MYLK: variants seen among roughly 807,000 people sequenced by gnomAD.
MYLK encodes the protein myosin light chain kinase.
A neutral mutation model predicts 203.4 loss-of-function variants in MYLK; 106 were observed. The observed-to-expected ratio is 0.52, with a 90% CI of 0.45 to 0.61. The LOEUF (loss-of-function observed/expected upper bound fraction) is 0.61. Among genes scored for constraint, MYLK ranks in the 20% least tolerant of loss-of-function variants. The pLI, the probability that MYLK is intolerant of heterozygous loss-of-function variation, is 0.00. For missense variants in MYLK, 2,072 were observed against 2,442.3 expected (o/e 0.85, Z 3.20); for synonymous variants, 867 against 959.5 (o/e 0.90, Z 1.78).
intron 3 of MYLK, among the ~76,000 whole-genome samples, chr3:123,819,905 C>T (rs1488479565): frequency 6.6e-6 from 1 of 151,606 alleles, no homozygotes; most frequent in Non-Finnish European, 1.5e-5. Context: ...ATTCCTCCCA[C>T]CAAAACAGGT....
At chr3:123,661,765 G>A (rs1443253509) in intron 23 of MYLK, among the ~76,000 whole-genome samples, 1 of 152,170 alleles carries the variant, frequency 6.6e-6, no homozygotes, top group Admixed American at 6.5e-5. Flanking sequence ...ATGGACAACT[G>A]GGGGTGGGGA....
intron 2 of MYLK, among the ~76,000 whole-genome samples, chr3:123,832,327 G>A (rs1256192692): frequency 6.6e-6 from 1 of 152,158 alleles, no homozygotes; most frequent in Non-Finnish European, 1.5e-5. Context: ...TTTCCTCTGA[G>A]GGAAAATCTC....
chr3:123,751,491 A>G (rs921944708), intron 5 of MYLK, among the ~76,000 whole-genome samples: 3 of 152,210 alleles, frequency 2.0e-5, no homozygotes, highest in Non-Finnish European at 4.4e-5. Flanking sequence ...TTTACTTCCT[A>G]CATATTTTTC....
chr3:123,739,535 G>A (rs574075506), intron 6 of MYLK, among the ~76,000 whole-genome samples: 21 of 152,236 alleles, frequency 1.4e-4, no homozygotes, highest in Non-Finnish European at 2.8e-4. Context: ...TAATGTGGAA[G>A]GCTCTCCCCA....
chr3:123,849,366 G>A (rs1394727563), intron 2 of MYLK, among the ~76,000 whole-genome samples: 2 of 152,160 alleles, frequency 1.3e-5, no homozygotes, highest in African/African-American at 2.4e-5. Flanking sequence ...GTAGTTAAGA[G>A]ATCAGTTGTG....
chr3:123,862,011 C>A (rs1248446741), intron 2 of MYLK, among the ~76,000 whole-genome samples: 1 of 152,204 alleles, frequency 6.6e-6, no homozygotes, highest in African/African-American at 2.4e-5. Flanking sequence ...ACCTTCCCTG[C>A]CCACTCCAGA....
At chr3:123,824,317 T>C (rs951368849) in intron 3 of MYLK, among the ~76,000 whole-genome samples, 1 of 152,208 alleles carries the variant, frequency 6.6e-6, no homozygotes, top group Non-Finnish European at 1.5e-5. Flanking sequence ...CTCGAACTCC[T>C]GACCTCAGGT....
chr3:123,798,352 T>C (rs923615452), intron 3 of MYLK, among the ~76,000 whole-genome samples: 5 of 152,136 alleles, frequency 3.3e-5, no homozygotes, highest in Non-Finnish European at 7.4e-5. Flanking sequence ...GGCAGAGGGT[T>C]GGGAGTTGTA....
At chr3:123,654,550 T>C (rs1199328302) in intron 24 of MYLK, among the ~76,000 whole-genome samples, 2 of 152,096 alleles carry the variant, frequency 1.3e-5, no homozygotes, top group Non-Finnish European at 1.5e-5. Context: ...GTTTTGGTTT[T>C]CAAGTGACAT....
intron 5 of MYLK, among the ~76,000 whole-genome samples, chr3:123,751,955 T>TGTGAACACGGTGGGC (rs1469240312): frequency 1.3e-5 from 2 of 151,982 alleles, no homozygotes; most frequent in African/African-American, 4.8e-5. Context: ...CAGAGGTGGG[T>TGTGAACACGGTGGGC]GTGACCACGG....
intron 33 of MYLK, chr3:123,616,684 G>A (rs2057515003): frequency 6.6e-6 from 1 of 152,124 alleles, no homozygotes; most frequent in African/African-American, 2.4e-5. Context: ...GAATGTCTTG[G>A]TGCCCTTCCC....
chr3:123,854,472 A>AATAAAT (rs1196614573), intron 2 of MYLK, among the ~76,000 whole-genome samples: 2 of 152,136 alleles, frequency 1.3e-5, no homozygotes, highest in Admixed American at 6.6e-5. Flanking sequence ...ATAGCTAACA[A>AATAAAT]ATAAATATAA....
chr3:123,778,967 A>T (rs1445819860), intron 4 of MYLK, among the ~76,000 whole-genome samples: 1 of 152,158 alleles, frequency 6.6e-6, no homozygotes, highest in Non-Finnish European at 1.5e-5. Flanking sequence ...AACCCCAAAT[A>T]GCTATGTCCT....
intron 5 of MYLK, among the ~76,000 whole-genome samples, chr3:123,747,257 A>G (rs1194317270): frequency 6.6e-6 from 1 of 152,106 alleles, no homozygotes; most frequent in Non-Finnish European, 1.5e-5. Flanking sequence ...ATCTTGTGAC[A>G]GGGGGTCATT....
intron 27 of MYLK, among the ~76,000 whole-genome samples, chr3:123,645,710 T>C (rs1343508744): frequency 2.0e-5 from 3 of 152,200 alleles, no homozygotes; most frequent in Non-Finnish European, 4.4e-5. Flanking sequence ...AGCAAAAGGC[T>C]GGAAACCACT....
intron 20 of MYLK, chr3:123,681,156 C>CAA (rs2108447896): frequency 6.6e-6 from 1 of 151,994 alleles, no homozygotes; most frequent in Admixed American, 6.5e-5. Flanking sequence ...TCCCTTTTTT[C>CAA]TTCTAATTTT....
rs562693227 is a variant in MYLK, at chr3:123,804,560, C to T, written c.-3-10716G>A. On this transcript the variant is annotated intron_variant, in intron 3 of 33. Coordinates refer to ENST00000360304, the MANE Select transcript of MYLK (RefSeq NM_053025.4). The stretch of plus-strand genomic sequence containing the variant: ...GGTTCTCTACCTGCAGACTGTAGAT[C>T]CCATGCCTTCTGTCTAAAATGGCCT... Among the ~76,000 whole-genome samples the T allele has an allele frequency of 7.2e-5, 11 of 152,296 alleles. No homozygotes were observed. In the South Asian group the frequency reaches 2.1e-3, roughly 29 times the overall value.
At chr3:123,647,497 A>G in intron 26 of MYLK, 70 bp from the exon 27 acceptor site, 9 of 1,354,564 alleles carry the variant, frequency 6.6e-6, no homozygotes, top group Non-Finnish European at 9.5e-6. Context: ...GGGTTGGCAA[A>G]TTATGGCCCA....
Position 123,800,575 on chromosome 3 carries a change from G to A in MYLK, c.-3-6731C>T, listed in dbSNP as rs558512195. On this transcript the variant is annotated intron_variant, in intron 3 of 33. Transcript: ENST00000360304. ...TGCCTCGTTGGTCCAGAGCCCTGGA[G>A]AGCTTCAGGAATGATCCTTGGAGCA... is the stretch of plus-strand genomic sequence containing the variant. Among the ~76,000 whole-genome samples the A allele has an allele frequency of 6.6e-5, 10 of 152,248 alleles. No homozygotes were observed. The South Asian group carries it at 2.1e-3, about 32-fold the overall frequency.
Sources: allele counts gnomAD v4.1 joint callset (sites outside exome capture counted in the v4.1 genomes callset), GRCh38; gene constraint gnomAD v4.1.1; transcripts MANE v1.5; gene names NCBI Gene and HGNC (gene_info 2026-07-23, HGNC 2026-07-21).